SVIL: variants seen among roughly 807,000 people sequenced by gnomAD.
SVIL encodes archvillin.
SVIL carries 101 observed loss-of-function variants against 240.4 expected under a neutral mutation model. That is an observed-to-expected ratio of 0.42 (90% CI 0.36 to 0.50). The LOEUF is 0.50. SVIL is among the 20% of genes least tolerant of loss of function. The probability of loss-of-function intolerance (pLI) is 0.01; values close to 1 mark genes in which losing one functional copy is unlikely to be tolerated. For missense variants in SVIL, 2,512 were observed against 2,818.7 expected, an observed-to-expected ratio of 0.89 and a Z score of 2.46; for synonymous variants, 999 against 1,100.0, an observed-to-expected ratio of 0.91 and a Z score of 1.82.
chr10:29,638,330 C>G (rs564694172), upstream of SVIL, among the ~76,000 whole-genome samples: 1 of 151,868 alleles, frequency 6.6e-6, no homozygotes, highest in South Asian at 2.1e-4. Context: ...GGCATGGTGG[C>G]TGGCATGTGC....
chr10:29,520,167 T>C (rs1754437876), intron 16 of SVIL, among the ~76,000 whole-genome samples: 1 of 152,228 alleles, frequency 6.6e-6, no homozygotes, highest in Non-Finnish European at 1.5e-5. Context: ...AAGGCTCCTT[T>C]AAAAGCCTTT....
At chr10:29,668,795 C>T (rs959407836) in intron 2 of SVIL, among the ~76,000 whole-genome samples, 4 of 152,086 alleles carry the variant, frequency 2.6e-5, no homozygotes, top group Admixed American at 2.0e-4. Context: ...AAATCTTGAC[C>T]GTCAAATGGC....
rs908774816 is a variant in SVIL at position 29,550,615 on chromosome 10, G to A, written c.809C>T (p.Ser270Phe). 6.2e-7 allele frequency: 1 copy of A among 1,611,852 alleles called. No individual in the cohort carries two copies. Among genetic ancestry groups the A allele is most frequent in the Non-Finnish European group, 8.5e-7 (1 of 1,179,028 alleles). The stretch of plus-strand genomic sequence containing the variant: ...TGCTTACCTGGGTCGGGCCTCAGGG[G>A]ATAGCTGTGGGTCACCAAAGGAGGG... ...RSPSFGDPQLSPEARPSTGKP... is the reference protein window; with the variant it reads ...RSPSFGDPQLFPEARPSTGKP... The change falls in exon 6 of 38, where the codon TCC becomes TTC. Residue 270 changes from serine to phenylalanine, a missense_variant. By Grantham distance (155) the Ser-to-Phe change is radical. Around this residue, in one of 3 missense-constraint regions of SVIL, gnomAD observed 1,443 missense variants for 1,486.6 expected, o/e 0.97. Transcript: ENST00000355867.
intron 1 of SVIL, among the ~76,000 whole-genome samples, chr10:29,720,175 C>G (rs1171395609): frequency 2.0e-5 from 3 of 151,984 alleles, no homozygotes; most frequent in African/African-American, 7.3e-5. Flanking sequence ...CTGCACTCTG[C>G]CCTGGATGAC....
chr10:29,685,395 T>C (rs149426687), intron 2 of SVIL, among the ~76,000 whole-genome samples: 2 of 152,366 alleles, frequency 1.3e-5, no homozygotes, highest in Non-Finnish European at 2.9e-5. Flanking sequence ...TGTGTACATG[T>C]GCCCTTATGG....
intron 17 of SVIL, among the ~76,000 whole-genome samples, chr10:29,511,634 G>C (rs1949847085): frequency 6.6e-6 from 1 of 152,212 alleles, no homozygotes; most frequent in Non-Finnish European, 1.5e-5. Flanking sequence ...ATATGCACAT[G>C]CATATACTTT....
chr10:29,606,902 G>A lies in SVIL; in HGVS notation c.-201+27518C>T, dbSNP rs192562464. Among the ~76,000 whole-genome samples the A allele has an allele frequency of 3.4e-3, 516 of 152,120 alleles. 3 individuals carry two copies. Among genetic ancestry groups the A allele is most frequent in the African/African-American group, 0.011 (470 of 41,482 alleles). On this transcript the variant is annotated intron_variant, in intron 1 of 37. Transcript: ENST00000355867. ...CCCAAGCAGCTGGGATTACAGCCAC[G>A]TGCCACCACACCCGGCTAATTTTTG...
intron 1 of SVIL, among the ~76,000 whole-genome samples, chr10:29,609,987 C>T (rs1298088375): frequency 6.6e-6 from 1 of 152,148 alleles, no homozygotes; most frequent in Non-Finnish European, 1.5e-5. Flanking sequence ...TAAAGCGACA[C>T]CCTAAGGATC....
chr10:29,722,377 A>G (rs1213189490), intron 1 of SVIL, among the ~76,000 whole-genome samples: 1 of 152,152 alleles, frequency 6.6e-6, no homozygotes, highest in East Asian at 1.9e-4. Context: ...ATGCAAGACC[A>G]TATCAAAAAG....
At chr10:29,565,085 G>A (rs542120879) in intron 2 of SVIL, among the ~76,000 whole-genome samples, 4 of 152,332 alleles carry the variant, frequency 2.6e-5, no homozygotes, top group Admixed American at 2.0e-4. Context: ...CTACATTGAA[G>A]TGAAATAATG....
In SVIL at chr10:29,481,570, G is replaced by C. The variant is rs956854722; in HGVS notation, c.5100+14C>G. 4 of 1,612,464 alleles carry C rather than the reference G, an allele frequency of 2.5e-6. No homozygotes were observed. The African/African-American group carries it at 4.0e-5, about 16-fold the overall frequency. On this transcript the variant is annotated intron_variant, in intron 28 of 37. Transcript: ENST00000355867. ...AACCAAGCCCCGAGTTTTGAGGCTTGGTCGCCGGAATACCTTGTGCTGGGC... is the reference window on the plus strand; with the variant it reads ...AACCAAGCCCCGAGTTTTGAGGCTTCGTCGCCGGAATACCTTGTGCTGGGC...
intron 3 of SVIL, among the ~76,000 whole-genome samples, chr10:29,656,438 A>G (rs1959007821): frequency 6.6e-6 from 1 of 151,446 alleles, no homozygotes; most frequent in Admixed American, 6.6e-5. Context: ...TATGAAACCA[A>G]CCCAACAGTC....
At chr10:29,567,789 G>C (rs1955092660) in intron 2 of SVIL, among the ~76,000 whole-genome samples, 1 of 152,100 alleles carries the variant, frequency 6.6e-6, no homozygotes, top group African/African-American at 2.4e-5. Context: ...GGCCGAGGTG[G>C]GTGGATCACA....
intron 2 of SVIL, among the ~76,000 whole-genome samples, chr10:29,566,090 C>G (rs142751110): frequency 1.3e-5 from 2 of 152,040 alleles, no homozygotes; most frequent in South Asian, 4.2e-4. Flanking sequence ...TAAGAGCATA[C>G]GGTCAATAAC....
At chr10:29,644,171 G>A (rs1207300472) in intron 3 of SVIL, among the ~76,000 whole-genome samples, 1 of 152,204 alleles carries the variant, frequency 6.6e-6, no homozygotes, top group Non-Finnish European at 1.5e-5. Flanking sequence ...TGACGGTGAT[G>A]TGACCAGTGG....
intron 1 of SVIL, among the ~76,000 whole-genome samples, chr10:29,728,961 G>A (rs1964445072): frequency 6.6e-6 from 1 of 152,134 alleles, no homozygotes; most frequent in Non-Finnish European, 1.5e-5. Flanking sequence ...GAACAGGAGG[G>A]GCAGAATGTC....
At chr10:29,551,289 G>C (rs776322116) in intron 5 of SVIL, 26 bp from the exon 6 acceptor site, 38 of 1,547,634 alleles carry the variant, frequency 2.5e-5, no homozygotes, top group Non-Finnish European at 3.0e-5. Context: ...ATGGATGAGA[G>C]GTGCAGATTT....
chr10:29,698,709 GA>G (rs71909536), intron 1 of SVIL, among the ~76,000 whole-genome samples: 48,074 of 144,104 alleles, frequency 0.33, 8,089 homozygotes, highest in East Asian at 0.47. Flanking sequence ...ATTACTCCAG[GA>G]AAAAAAAAAA....
At chr10:29,498,088 CAAAAAAAAAAAAAAAA>C (rs34280398) in intron 18 of SVIL, among the ~76,000 whole-genome samples, 12 of 37,484 alleles carry the variant, frequency 3.2e-4, no homozygotes, top group Non-Finnish European at 2.0e-4. Flanking sequence ...TCCCCTCCAC[CAAAAAAAAAAAAAAAA>C]AAAAAAAAAA....
Sources: allele counts gnomAD v4.1 joint callset (sites outside exome capture counted in the v4.1 genomes callset), GRCh38; gene constraint gnomAD v4.1.1; regional missense constraint gnomAD v4.1.1; transcripts MANE v1.5; gene names NCBI Gene and HGNC (gene_info 2026-07-23, HGNC 2026-07-21).